RNF145: variants seen among roughly 807,000 people sequenced by gnomAD.
RNF145 encodes ring finger protein 145.
In RNF145, 12 loss-of-function variants were observed where a neutral mutation model predicts 57.3. The observed-to-expected ratio is 0.21, with a 90% CI of 0.13 to 0.34. The LOEUF (loss-of-function observed/expected upper bound fraction) is 0.34, where lower values mean the gene tolerates loss of function less well. Ranked by LOEUF, RNF145 falls within the 10% of genes least tolerant of loss-of-function variation. The probability of loss-of-function intolerance (pLI) is 1.00; values close to 1 mark genes in which losing one functional copy is unlikely to be tolerated. For synonymous variants in RNF145, 262 were observed against 288.3 expected, an observed-to-expected ratio of 0.91 and a Z score of 0.92; for missense variants, 429 against 799.0, an observed-to-expected ratio of 0.54 and a Z score of 5.58.
intron 4 of RNF145, among the ~76,000 whole-genome samples, chr5:159,178,555 G>A (rs1784785942): frequency 6.6e-6 from 1 of 151,812 alleles, no homozygotes; most frequent in Admixed American, 6.6e-5. Context: ...CTCACTTCTT[G>A]TCAATGAAAA....
At chr5:159,163,193 A>T (rs1371854772) in intron 8 of RNF145, 114 bp from the exon 9 acceptor site, 1 of 968,132 alleles carries the variant, frequency 1.0e-6, no homozygotes. Context: ...TTCCCACTGA[A>T]CACCCTTCTC....
At position 159,164,234 on chromosome 5, in the gene RNF145, C is replaced by CTAA. The variant is rs553921309; in HGVS notation, c.1122-1158_1122-1156dup. On this transcript the variant is annotated intron_variant, in intron 8 of 10. Coordinates refer to ENST00000424310, the MANE Select transcript of RNF145 (RefSeq NM_001199383.2). Reference sequence around the variant, plus strand: ...GTTTTACATTTTTTCTTGCCAAAAACTAATAATAATAATAATAATAATCAG... The same window carrying CTAA: ...GTTTTACATTTTTTCTTGCCAAAAACTAATAATAATAATAATAATAATAATCAG... 4.5e-3 allele frequency among the ~76,000 whole-genome samples: 681 copies of CTAA among 151,470 alleles called. 8 individuals are homozygous for CTAA. The highest frequency in any genetic ancestry group is 0.029 in the East Asian group (151 of 5,170).
At chr5:159,180,289 G>A (rs56288236) in intron 4 of RNF145, among the ~76,000 whole-genome samples, 7,350 of 152,080 alleles carry the variant, frequency 0.048, 633 homozygotes, top group African/African-American at 0.17. Flanking sequence ...TACCCTTGGT[G>A]CTTGGTATAC....
intron 6 of RNF145, among the ~76,000 whole-genome samples, chr5:159,171,461 T>A (rs1304897675): frequency 1.3e-5 from 2 of 152,138 alleles, no homozygotes; most frequent in African/African-American, 4.8e-5. Flanking sequence ...CCTTTTCTCT[T>A]ATTTTAGAAA....
chr5:159,209,464 G>C lies in RNF145; in HGVS notation c.-273C>G. Reference sequence around the variant, plus strand: ...ACGGTCACCATCGTCCGCGGCAGCAGGCGCTCGCGGGCCGAGCCCCTTAGC... The same window carrying C: ...ACGGTCACCATCGTCCGCGGCAGCACGCGCTCGCGGGCCGAGCCCCTTAGC... On this transcript the variant is annotated 5_prime_UTR_variant, in exon 1 of 11. Transcript: ENST00000424310. 1 of 982,456 alleles carries C rather than the reference G, an allele frequency of 1.0e-6. No individual in the cohort carries two copies. Among genetic ancestry groups the C allele is most frequent in the Non-Finnish European group, 1.2e-6 (1 of 827,130 alleles). 60.9% of individuals were successfully genotyped at this position (982,456 alleles called of 1,614,324 possible).
At chr5:159,184,509 T>A (rs879771018) in intron 3 of RNF145, among the ~76,000 whole-genome samples, 4 of 152,240 alleles carry the variant, frequency 2.6e-5, no homozygotes, top group African/African-American at 4.8e-5. Flanking sequence ...TATTTAATTA[T>A]GATGATGATC....
In RNF145 at chr5:159,209,532, C is replaced by T. The variant is rs1392815364; in HGVS notation, c.-341G>A. On this transcript the variant is annotated 5_prime_UTR_variant, in exon 1 of 11. Transcript: ENST00000424310. ...GCGGCCATGGCCTCCTGCGTTTGCT[C>T]CTCCCGCCCCCGGCGCTCTGCGGCG... The T allele has an allele frequency of 3.7e-5, 36 of 963,194 alleles. No homozygotes were observed. The highest frequency in any genetic ancestry group is 4.4e-5 in the Non-Finnish European group (36 of 810,132). 59.7% of individuals were successfully genotyped at this position (963,194 alleles called of 1,614,324 possible).
rs1420226071 is a variant in RNF145 at position 159,190,702 on chromosome 5, A to G, written c.293+4014T>C. On this transcript the variant is annotated intron_variant, in intron 3 of 10. Coordinates refer to ENST00000424310, the MANE Select transcript of RNF145 (RefSeq NM_001199383.2). ...ATCTCAAAAAAAAAAAAAAAAAAAA[A>G]GATACTTGGTTATGAAGCTCCACAG... Among the ~76,000 whole-genome samples the G allele has an allele frequency of 4.2e-5, 6 of 141,530 alleles. No homozygotes were observed. The East Asian group carries it at 1.2e-3, about 29-fold the overall frequency. The allele number at this position is 141,530 out of a possible 152,430, so 92.8% of individuals were successfully genotyped here.
intron 4 of RNF145, 30 bp downstream of exon 4, chr5:159,181,930 C>T: frequency 7.6e-7 from 1 of 1,319,104 alleles, no homozygotes. Flanking sequence ...TCGGTTCCTA[C>T]CTACACTTTA....
At chr5:159,163,668 C>T (rs781652605) in intron 8 of RNF145, among the ~76,000 whole-genome samples, 12 of 152,230 alleles carry the variant, frequency 7.9e-5, no homozygotes, top group Non-Finnish European at 1.6e-4. Context: ...ATCCAGGACA[C>T]TGCCAGCCAG....
chr5:159,169,768 C>T lies in RNF145; in HGVS notation c.849G>A (p.Thr283=), dbSNP rs531417365. The T allele has an allele frequency of 3.7e-6, 6 of 1,612,916 alleles. No homozygotes were observed. In the African/African-American group the frequency reaches 4.0e-5, roughly 11 times the overall value. The change falls in exon 7 of 11, where the codon ACG becomes ACA. Residue 283 remains threonine, a synonymous_variant. Coordinates refer to ENST00000424310, the MANE Select transcript of RNF145 (RefSeq NM_001199383.2). ...TPYSLLGLVF[T]VSFVALGVLT... is the part of the protein sequence containing the mutation. ...GAACACCCAAGGCAACAAAAGAAAC[C>T]GTGAAGACCAAACCCAAAAGAGAGT...
intron 1 of RNF145, among the ~76,000 whole-genome samples, chr5:159,206,303 C>G (rs185201904): frequency 2.0e-5 from 3 of 152,266 alleles, no homozygotes; most frequent in Non-Finnish European, 4.4e-5. Context: ...TTTAGCAAGT[C>G]AGTGGCAAGC....
At chr5:159,208,211 T>C in intron 1 of RNF145, 2 of 1,297,972 alleles carry the variant, frequency 1.5e-6, no homozygotes, top group Non-Finnish European at 9.9e-7. Context: ...GCAGCAGCAG[T>C]AGCAGCAGCA....
chr5:159,207,859 G>C (rs1373135962), intron 1 of RNF145: 3 of 1,614,008 alleles, frequency 1.9e-6, no homozygotes, highest in Admixed American at 3.3e-5. Context: ...TTCAACTTAA[G>C]GAACAGAGAG....
rs545044829 is a variant in RNF145 at position 159,167,569 on chromosome 5, T to C, written c.1121+1304A>G. ...TTAGTGTAATTAATAACAGATGACA[T>C]TGACAGAGATGACAAAATACTAATT... On this transcript the variant is annotated intron_variant, in intron 8 of 10. Coordinates refer to ENST00000424310, the MANE Select transcript of RNF145 (RefSeq NM_001199383.2). Among the ~76,000 whole-genome samples, 12 of 152,328 alleles carry C rather than the reference T, an allele frequency of 7.9e-5. No individual in the cohort carries two copies. The East Asian group carries it at 1.9e-3, about 24-fold the overall frequency.
At chr5:159,166,283 G>A (rs755468047) in intron 8 of RNF145, among the ~76,000 whole-genome samples, 1 of 152,088 alleles carries the variant, frequency 6.6e-6, no homozygotes, top group Non-Finnish European at 1.5e-5. Context: ...AGCGATTCTT[G>A]ATCAGGAGTG....
intron 3 of RNF145, 66 bp downstream of exon 3, chr5:159,194,650 T>C (rs1295498579): frequency 7.8e-6 from 8 of 1,029,914 alleles, no homozygotes; most frequent in Non-Finnish European, 9.1e-6. Context: ...TCATGAAAAG[T>C]ATTTTATTGG....
In RNF145 at chr5:159,163,523, T is replaced by C. The variant is rs76820244; in HGVS notation, c.1122-444A>G. Among the ~76,000 whole-genome samples the C allele has an allele frequency of 1.2e-3, 189 of 152,284 alleles. 2 individuals carry two copies. The highest frequency in any genetic ancestry group is 3.9e-3 in the African/African-American group (164 of 41,558). On this transcript the variant is annotated intron_variant, in intron 8 of 10. Coordinates refer to ENST00000424310, the MANE Select transcript of RNF145 (RefSeq NM_001199383.2). ...GCTACAGAGAGTGCAGTGTGACTAATAGGAATGACTCTCCAATGAGCAGGT... is the reference window on the plus strand; with the variant it reads ...GCTACAGAGAGTGCAGTGTGACTAACAGGAATGACTCTCCAATGAGCAGGT...
intron 9 of RNF145, among the ~76,000 whole-genome samples, chr5:159,161,997 A>T (rs377288405): frequency 6.6e-6 from 1 of 152,194 alleles, no homozygotes; most frequent in Non-Finnish European, 1.5e-5. Context: ...TTCCTGTTCT[A>T]CAACTCGCAA....
Sources: gnomAD v4.1 joint callset for allele counts (sites outside exome capture counted in the v4.1 genomes callset) on GRCh38, gnomAD v4.1.1 for gene constraint, MANE v1.5 for transcripts, NCBI Gene and HGNC (gene_info 2026-07-23, HGNC 2026-07-21) for gene names.